The following GRIA1 variants were observed in gnomAD, a reference collection of about 807,000 sequenced individuals.
GRIA1 encodes the protein glutamate ionotropic receptor AMPA type subunit 1.
Under a neutral mutation model 99.2 loss-of-function variants are expected in GRIA1, and 31 were observed. The observed-to-expected ratio is 0.31, with a 90% CI of 0.23 to 0.42. GRIA1 has a LOEUF of 0.42. Among genes scored for constraint, GRIA1 ranks in the 10% least tolerant of loss-of-function variants. GRIA1 has a pLI of 1.00. For synonymous variants in GRIA1, 438 were observed against 432.4 expected (o/e 1.01, Z -0.16); for missense variants, 782 against 1,157.5 (o/e 0.68, Z 4.71).
intron 8 of GRIA1, among the ~76,000 whole-genome samples, chr5:153,693,186 A>G (rs193203829): frequency 1.2e-3 from 186 of 152,264 alleles, no homozygotes; most frequent in Admixed American, 0.012. Flanking sequence ...AACAGATAGG[A>G]ATGAAAGAAA....
In GRIA1 at chr5:153,644,653, G is replaced by A. The variant is rs142944168; in HGVS notation, c.221-2275G>A. On this transcript the variant is annotated intron_variant, in intron 2 of 15. Transcript: ENST00000285900. ...ATTATTTTAGATTAATTAAAGAATG[G>A]GAAATAAGACAGAGTGATGTGATAC... 1.8e-4 allele frequency among the ~76,000 whole-genome samples: 28 copies of A among 152,054 alleles called. No individual in the cohort carries two copies. In the East Asian group the frequency reaches 5.4e-3, roughly 30 times the overall value.
At chr5:153,727,832 C>T in intron 11 of GRIA1, among the ~76,000 whole-genome samples, 1 of 151,716 alleles carries the variant, frequency 6.6e-6, no homozygotes, top group African/African-American at 2.4e-5. Flanking sequence ...AGATTCAATG[C>T]CATCCCCATC....
At chr5:153,559,066 C>T (rs759096116) in intron 2 of GRIA1, among the ~76,000 whole-genome samples, 4 of 152,150 alleles carry the variant, frequency 2.6e-5, no homozygotes, top group South Asian at 4.1e-4. Context: ...TTTCCCTTTC[C>T]GGGACCTTGG....
At chr5:153,799,720 T>C (rs1765878617) in intron 14 of GRIA1, among the ~76,000 whole-genome samples, 1 of 152,170 alleles carries the variant, frequency 6.6e-6, no homozygotes, top group African/African-American at 2.4e-5. Context: ...GCAGTTCCTA[T>C]ACCGTCTAGC....
chr5:153,807,822 A>G (rs1766542674), intron 15 of GRIA1, among the ~76,000 whole-genome samples: 2 of 152,256 alleles, frequency 1.3e-5, no homozygotes, highest in Admixed American at 6.5e-5. Flanking sequence ...TAAGAGCAGC[A>G]AAGTATTATT....
At chr5:153,619,034 ACTGT>A (rs983419603) in intron 2 of GRIA1, among the ~76,000 whole-genome samples, 7 of 152,204 alleles carry the variant, frequency 4.6e-5, no homozygotes, top group African/African-American at 1.7e-4. Flanking sequence ...AATTCACACA[ACTGT>A]CTGTCTGTGC....
intron 11 of GRIA1, among the ~76,000 whole-genome samples, chr5:153,707,957 G>A (rs1030746145): frequency 2.9e-4 from 44 of 152,052 alleles, no homozygotes; most frequent in African/African-American, 1.0e-3. Context: ...GATAAACAGT[G>A]GGAAGAAACA....
intron 2 of GRIA1, among the ~76,000 whole-genome samples, chr5:153,568,127 T>C (rs1387282094): frequency 6.6e-6 from 1 of 152,216 alleles, no homozygotes; most frequent in Non-Finnish European, 1.5e-5. Flanking sequence ...TATAGGTCTT[T>C]CTATTAAACA....
rs144478499 is a variant in GRIA1, at chr5:153,729,702, T to C, written c.1823+23635T>C. Reference sequence around the variant, plus strand: ...GGGCTTTGAAAAGAATAAACAACATTCCCTTTCTGTTGCATCAAGACAAAA... The same window carrying C: ...GGGCTTTGAAAAGAATAAACAACATCCCCTTTCTGTTGCATCAAGACAAAA... On this transcript the variant is annotated intron_variant, in intron 11 of 15. Coordinates refer to ENST00000285900, the MANE Select transcript of GRIA1 (RefSeq NM_000827.4). Among the ~76,000 whole-genome samples the C allele has an allele frequency of 7.3e-3, 1,110 of 152,144 alleles. 11 individuals are homozygous for C. The highest frequency in any genetic ancestry group is 0.025 in the African/African-American group (1,039 of 41,526).
chr5:153,685,788 A>G (rs1057046853), intron 7 of GRIA1, among the ~76,000 whole-genome samples: 8 of 152,218 alleles, frequency 5.3e-5, no homozygotes, highest in African/African-American at 1.9e-4. Flanking sequence ...TCATTCATAA[A>G]GCTGGCTTCT....
intron 2 of GRIA1, among the ~76,000 whole-genome samples, chr5:153,565,766 G>C (rs905192692): frequency 6.9e-4 from 105 of 151,900 alleles, no homozygotes; most frequent in African/African-American, 2.5e-3. Context: ...TCATGTCTTA[G>C]CATGTATCAG....
intron 2 of GRIA1, among the ~76,000 whole-genome samples, chr5:153,596,185 TGA>T (rs1446102764): frequency 6.6e-6 from 1 of 152,176 alleles, no homozygotes; most frequent in Non-Finnish European, 1.5e-5. Flanking sequence ...CAGAGTGAAA[TGA>T]GAGAGTCTTT....
At chr5:153,495,538 G>A (rs1754325127) in intron 2 of GRIA1, among the ~76,000 whole-genome samples, 1 of 152,190 alleles carries the variant, frequency 6.6e-6, no homozygotes, top group African/African-American at 2.4e-5. Flanking sequence ...TCAGGGTCTT[G>A]TAAGGCAGAG....
intron 11 of GRIA1, among the ~76,000 whole-genome samples, chr5:153,761,824 A>G (rs1763202458): frequency 6.6e-6 from 1 of 152,370 alleles, no homozygotes; most frequent in South Asian, 2.1e-4. Context: ...TCAATGAAAT[A>G]GTATTCAGCC....
chr5:153,665,178 G>T (rs976739112), intron 5 of GRIA1, among the ~76,000 whole-genome samples: 14 of 152,202 alleles, frequency 9.2e-5, no homozygotes, highest in African/African-American at 3.4e-4. Context: ...CCAACCTGGA[G>T]TCCCTAACCT....
At chr5:153,640,909 T>C (rs981170113) in intron 2 of GRIA1, among the ~76,000 whole-genome samples, 2 of 152,190 alleles carry the variant, frequency 1.3e-5, no homozygotes, top group African/African-American at 4.8e-5. Flanking sequence ...GTGATATTGT[T>C]TAAGGGCTTT....
In GRIA1 at chr5:153,799,085, C is replaced by CG. The variant is rs541559700; in HGVS notation, c.2386-3271_2386-3270insG. On this transcript the variant is annotated intron_variant, in intron 14 of 15. Coordinates refer to ENST00000285900, the MANE Select transcript of GRIA1 (RefSeq NM_000827.4). ...GAGGTGAATTGTGACTTTTCCACCC[C>CG]CCCCTGACAAGCTGCCTAGCTTTTC... Among the ~76,000 whole-genome samples, 397 of 152,232 alleles carry CG rather than the reference C, an allele frequency of 2.6e-3. 2 individuals are homozygous for CG. The highest frequency in any genetic ancestry group is 7.3e-3 in the African/African-American group (305 of 41,550).
chr5:153,756,702 A>G (rs1224351207), intron 11 of GRIA1, among the ~76,000 whole-genome samples: 5 of 152,098 alleles, frequency 3.3e-5, no homozygotes, highest in Admixed American at 2.6e-4. Flanking sequence ...CTAAGCCTTC[A>G]CAAGACTTAC....
At chr5:153,675,796 T>C (rs13186237) in intron 6 of GRIA1, among the ~76,000 whole-genome samples, 43,455 of 151,982 alleles carry the variant, frequency 0.29, 6,517 homozygotes, top group East Asian at 0.42. Flanking sequence ...AAGTAATGTG[T>C]AATGATTGCA....
Sources: gnomAD v4.1 joint callset for allele counts (sites outside exome capture counted in the v4.1 genomes callset) on GRCh38, gnomAD v4.1.1 for gene constraint, MANE v1.5 for transcripts, NCBI Gene and HGNC (gene_info 2026-07-23, HGNC 2026-07-21) for gene names.